Variants in MARCHF10 observed in about 807,000 individuals in gnomAD.
MARCHF10 encodes membrane associated ring-CH-type finger 10, also known as probable E3 ubiquitin-protein ligase MARCHF10.
In MARCHF10, 64 loss-of-function variants were observed where a neutral mutation model predicts 76.2. That is an observed-to-expected ratio of 0.84 (90% CI 0.69 to 1.03). The LOEUF is 1.03. Among genes scored for constraint, MARCHF10 ranks in the 50% least tolerant of loss-of-function variants. The probability of loss-of-function intolerance (pLI) is 0.00; values close to 1 mark genes in which losing one functional copy is unlikely to be tolerated. For synonymous variants in MARCHF10, 340 were observed against 357.5 expected (o/e 0.95, Z 0.55); for missense variants, 875 against 958.0 (o/e 0.91, Z 1.14).
intron 5 of MARCHF10, among the ~76,000 whole-genome samples, chr17:62,743,900 T>G (rs1471621046): frequency 6.6e-6 from 1 of 152,156 alleles, no homozygotes; most frequent in Non-Finnish European, 1.5e-5. Context: ...GGGGAGAAGA[T>G]CTCTGCTGGG....
intron 7 of MARCHF10, among the ~76,000 whole-genome samples, chr17:62,723,558 A>ATTTTTTTTTTT: frequency 1.6e-5 from 1 of 62,362 alleles, no homozygotes; most frequent in Non-Finnish European, 2.6e-5. Flanking sequence ...TGTTCGCTTG[A>ATTTTTTTTTTT]CTTTTTTTTT....
chr17:62,754,682 C>G (rs1383876448), intron 4 of MARCHF10, among the ~76,000 whole-genome samples: 2 of 152,010 alleles, frequency 1.3e-5, no homozygotes, highest in Non-Finnish European at 2.9e-5. Flanking sequence ...ATTCTGGGCT[C>G]TGCGACAACC....
chr17:62,807,378 G>A (rs2093178767), intron 1 of MARCHF10, among the ~76,000 whole-genome samples: 1 of 152,108 alleles, frequency 6.6e-6, no homozygotes, highest in Admixed American at 6.5e-5. Flanking sequence ...GCGGGGTGGA[G>A]GGTGGGGAAC....
intron 3 of MARCHF10, among the ~76,000 whole-genome samples, chr17:62,777,660 A>G (rs3967886): frequency 0.67 from 97,448 of 146,538 alleles, 33,106 homozygotes; most frequent in African/African-American, 0.8. Context: ...CTTGCAGTGA[A>G]CCGAGATCCT....
intron 3 of MARCHF10, among the ~76,000 whole-genome samples, chr17:62,780,481 T>C (rs539372600): frequency 3.3e-5 from 5 of 152,290 alleles, no homozygotes; most frequent in South Asian, 4.2e-4. Flanking sequence ...AGTGACTTCA[T>C]TGATGTGAAC....
intron 2 of MARCHF10, 149 bp from the exon 3 acceptor site, chr17:62,788,748 G>T: frequency 2.6e-6 from 3 of 1,164,372 alleles, no homozygotes. Context: ...TAAAGACCAG[G>T]TATCACTCTT....
intron 10 of MARCHF10, chr17:62,705,010 G>C (rs2089490630): frequency 1.0e-6 from 1 of 984,482 alleles, no homozygotes; most frequent in East Asian, 1.2e-4. Context: ...TGTTTGCAGA[G>C]AGCCGTCTTG....
chr17:62,762,353 G>A (rs1253870443), intron 3 of MARCHF10, among the ~76,000 whole-genome samples: 1 of 152,188 alleles, frequency 6.6e-6, no homozygotes, highest in Non-Finnish European at 1.5e-5. Flanking sequence ...ATCATTAAGA[G>A]TCTAGAAATT....
chr17:62,708,744 C>T (rs898083812), intron 9 of MARCHF10, among the ~76,000 whole-genome samples: 8 of 152,198 alleles, frequency 5.3e-5, no homozygotes, highest in African/African-American at 1.9e-4. Context: ...CGTCAGTAAA[C>T]ACTCAATGTT....
At chr17:62,746,750 A>G (rs2091719754) in intron 4 of MARCHF10, 1 of 769,588 alleles carries the variant, frequency 1.3e-6, no homozygotes, top group Admixed American at 2.5e-5. Context: ...TGAGGATAAG[A>G]ATTTCACTTT....
chr17:62,739,593 C>G (rs908003564), intron 5 of MARCHF10, among the ~76,000 whole-genome samples: 4 of 152,180 alleles, frequency 2.6e-5, no homozygotes, highest in African/African-American at 9.6e-5. Context: ...GTTGGTCAGG[C>G]TGGTCTCCAA....
At chr17:62,798,468 A>G (rs1050734288) in intron 2 of MARCHF10, among the ~76,000 whole-genome samples, 4 of 151,822 alleles carry the variant, frequency 2.6e-5, no homozygotes, top group Non-Finnish European at 5.9e-5. Context: ...AAAGAAAGCC[A>G]AAGAGTCATG....
rs1253667471 is a variant in MARCHF10, at chr17:62,808,201, C to G, written c.-142G>C. ...GGACGGCCCTGAGCTCCTCTTCCTC[C>G]TCCTCTTTTTGCTTCTTCACTCCCT... On this transcript the variant is annotated 5_prime_UTR_variant, in exon 1 of 11. Coordinates refer to ENST00000311269, the MANE Select transcript of MARCHF10 (RefSeq NM_152598.4). The G allele has an allele frequency of 6.6e-6, 1 of 152,638 alleles. No homozygotes were observed. The highest frequency in any genetic ancestry group is 1.5e-5 in the Non-Finnish European group (1 of 68,396). The allele number at this position is 152,638 out of a possible 1,614,324, so 9.5% of individuals were successfully genotyped here. A position where few individuals can be genotyped will look rare whatever the true frequency, so the allele number is the denominator to read the frequency against.
At chr17:62,756,468 C>A (rs900390191) in intron 4 of MARCHF10, among the ~76,000 whole-genome samples, 1 of 152,006 alleles carries the variant, frequency 6.6e-6, no homozygotes, top group Non-Finnish European at 1.5e-5. Context: ...ATCAGTCAAT[C>A]AATAAAATAC....
At chr17:62,730,838 G>C (rs917276400) in intron 6 of MARCHF10, among the ~76,000 whole-genome samples, 1 of 152,078 alleles carries the variant, frequency 6.6e-6, no homozygotes, top group African/African-American at 2.4e-5. Context: ...AGCTTGCAGT[G>C]AGCCAGGATC....
intron 8 of MARCHF10, among the ~76,000 whole-genome samples, chr17:62,713,404 T>C (rs775299604): frequency 4.6e-5 from 7 of 152,248 alleles, no homozygotes; most frequent in Non-Finnish European, 7.3e-5. Flanking sequence ...GATGGGAGAA[T>C]ATCCACTAAT....
intron 4 of MARCHF10, among the ~76,000 whole-genome samples, chr17:62,753,536 G>A (rs1296810916): frequency 6.6e-6 from 1 of 152,206 alleles, no homozygotes; most frequent in East Asian, 1.9e-4. Flanking sequence ...CTCAGATGAT[G>A]GTTTCTGCTA....
chr17:62,727,662 C>A (rs2090827636), intron 6 of MARCHF10, among the ~76,000 whole-genome samples: 1 of 151,944 alleles, frequency 6.6e-6, no homozygotes, highest in African/African-American at 2.4e-5. Flanking sequence ...TCTTAAAAGA[C>A]CAAAAAAGAA....
At position 62,723,559 on chromosome 17, in the gene MARCHF10, C is replaced by CTTTTTTTTTTTT. The variant is rs60456766; in HGVS notation, c.2105-974_2105-963dup. Among the ~76,000 whole-genome samples the CTTTTTTTTTTTT allele has an allele frequency of 5.2e-3, 416 of 80,310 alleles. 80 individuals carry two copies. Among genetic ancestry groups the CTTTTTTTTTTTT allele is most frequent in the African/African-American group, 0.019 (347 of 18,342 alleles). 52.7% of individuals were successfully genotyped at this position (80,310 alleles called of 152,430 possible). On this transcript the variant is annotated intron_variant, in intron 7 of 10. Coordinates refer to ENST00000311269, the MANE Select transcript of MARCHF10 (RefSeq NM_152598.4). ...CCTTATCTGCATTTTGTTCGCTTGACTTTTTTTTTTTTTTTTTTTAGCGTC... is the reference window on the plus strand; with the variant it reads ...CCTTATCTGCATTTTGTTCGCTTGACTTTTTTTTTTTTTTTTTTTTTTTTTTTTTTTAGCGTC...
Sources: gnomAD v4.1 joint callset for allele counts (sites outside exome capture counted in the v4.1 genomes callset) on GRCh38, gnomAD v4.1.1 for gene constraint, MANE v1.5 for transcripts, NCBI Gene and HGNC (gene_info 2026-07-23, HGNC 2026-07-21) for gene names.